The following ENOX1 variants were observed in gnomAD, a reference collection of about 807,000 sequenced individuals.
ENOX1 encodes candidate growth-related and time keeping constitutive hydroquinone (NADH) oxidase.
A neutral mutation model predicts 82.5 loss-of-function variants in ENOX1; 42 were observed. The observed-to-expected ratio is 0.51, with a 90% confidence interval of 0.40 to 0.66. The LOEUF (loss-of-function observed/expected upper bound fraction) is 0.66, where lower values mean the gene tolerates loss of function less well. ENOX1 is among the 30% of genes least tolerant of loss of function. The pLI, the probability that ENOX1 is intolerant of heterozygous loss-of-function variation, is 0.00. For synonymous variants in ENOX1, 271 were observed against 282.2 expected (o/e 0.96, Z 0.40); for missense variants, 608 against 811.6 (o/e 0.75, Z 3.05).
intron 5 of ENOX1, among the ~76,000 whole-genome samples, chr13:43,399,571 C>T (rs1261477658): frequency 6.6e-6 from 1 of 152,214 alleles, no homozygotes; most frequent in Non-Finnish European, 1.5e-5. Context: ...CAAACTAACA[C>T]ATTTGATCCC....
chr13:43,248,107 G>C (rs1015607294), intron 14 of ENOX1, among the ~76,000 whole-genome samples: 1 of 150,434 alleles, frequency 6.6e-6, no homozygotes, highest in African/African-American at 2.4e-5. Context: ...GGATGGTCTC[G>C]ATCTCCTGAC....
chr13:43,662,456 GCTTT>G (rs2084781935), intron 2 of ENOX1, among the ~76,000 whole-genome samples: 1 of 152,136 alleles, frequency 6.6e-6, no homozygotes, highest in African/African-American at 2.4e-5. Flanking sequence ...ATGCTGAATG[GCTTT>G]CTAAGTATCT....
intron 1 of ENOX1, among the ~76,000 whole-genome samples, chr13:43,756,972 CAAAAAAA>C (rs1164153402): frequency 5.3e-4 from 15 of 28,066 alleles, no homozygotes; most frequent in African/African-American, 1.0e-3. Flanking sequence ...AAAACAACAA[CAAAAAAA>C]AAAAAAAAAA....
chr13:43,372,179 TC>T (rs1280656712), intron 5 of ENOX1, among the ~76,000 whole-genome samples: 1 of 152,252 alleles, frequency 6.6e-6, no homozygotes, highest in Non-Finnish European at 1.5e-5. Context: ...CATGTGGTAT[TC>T]TTTCTATTTG....
At chr13:43,499,907 A>T (rs1444573973) in intron 2 of ENOX1, among the ~76,000 whole-genome samples, 1 of 152,094 alleles carries the variant, frequency 6.6e-6, no homozygotes, top group East Asian at 1.9e-4. Context: ...AAAAGAACCA[A>T]ATAGAAATTC....
At chr13:43,707,743 A>C (rs1426963619) in intron 1 of ENOX1, among the ~76,000 whole-genome samples, 3 of 149,046 alleles carry the variant, frequency 2.0e-5, no homozygotes, top group Non-Finnish European at 4.5e-5. Flanking sequence ...AAAAAAAAAA[A>C]AAAAAAAAAA....
chr13:43,582,917 AT>A (rs1297269189), intron 2 of ENOX1, among the ~76,000 whole-genome samples: 1 of 152,130 alleles, frequency 6.6e-6, no homozygotes, highest in African/African-American at 2.4e-5. Context: ...AGAGAGAGAA[AT>A]ATTACACTAA....
intron 5 of ENOX1, among the ~76,000 whole-genome samples, chr13:43,378,791 A>T (rs535943461): frequency 1.3e-5 from 2 of 152,336 alleles, no homozygotes; most frequent in Admixed American, 1.3e-4. Context: ...CCAATTAAAA[A>T]TTACCAGGTA....
intron 5 of ENOX1, among the ~76,000 whole-genome samples, chr13:43,400,644 T>C (rs1029433221): frequency 3.9e-5 from 6 of 152,154 alleles, no homozygotes; most frequent in Non-Finnish European, 5.9e-5. Context: ...TAGTACAATA[T>C]CTAGATCACA....
chr13:43,423,182 C>T (rs1302642884), intron 3 of ENOX1, among the ~76,000 whole-genome samples: 3 of 152,132 alleles, frequency 2.0e-5, no homozygotes, highest in South Asian at 2.1e-4. Context: ...TTATGAAATA[C>T]GTAATGGCTC....
intron 2 of ENOX1, among the ~76,000 whole-genome samples, chr13:43,485,631 T>C (rs891060900): frequency 6.6e-6 from 1 of 152,164 alleles, no homozygotes; most frequent in Non-Finnish European, 1.5e-5. Flanking sequence ...TAGTTTATCT[T>C]TGCATGACAG....
chr13:43,518,678 A>T (rs1173146376), intron 2 of ENOX1, among the ~76,000 whole-genome samples: 1 of 150,562 alleles, frequency 6.6e-6, no homozygotes, highest in African/African-American at 2.5e-5. Flanking sequence ...TAACCATTGT[A>T]AAAAAAAATA....
In ENOX1 at chr13:43,766,262, T is replaced by C. The variant is rs76937057; in HGVS notation, c.-285+20390A>G. ...CCCTTTGAAGAAAGGGACTGAGGGATCCTGAAGGTGCACAGGAGCAGTGAT... is the reference window on the plus strand; with the variant it reads ...CCCTTTGAAGAAAGGGACTGAGGGACCCTGAAGGTGCACAGGAGCAGTGAT... On this transcript the variant is annotated intron_variant, in intron 1 of 16. Transcript: ENST00000690772. 1.1e-3 allele frequency among the ~76,000 whole-genome samples: 162 copies of C among 152,304 alleles called. 1 individual carries two copies. In the East Asian group the frequency reaches 0.027, roughly 26 times the overall value.
intron 5 of ENOX1, among the ~76,000 whole-genome samples, chr13:43,390,679 C>T (rs1189907441): frequency 6.6e-6 from 1 of 152,168 alleles, no homozygotes; most frequent in Non-Finnish European, 1.5e-5. Flanking sequence ...CAAAAGTGTA[C>T]TGTCATATCC....
chr13:43,624,382 T>G (rs2082877246), intron 2 of ENOX1, among the ~76,000 whole-genome samples: 1 of 152,190 alleles, frequency 6.6e-6, no homozygotes, highest in African/African-American at 2.4e-5. Flanking sequence ...TATATTTTCA[T>G]CTACTCACCA....
In ENOX1 at chr13:43,424,860, G is replaced by A. The variant is rs76275702; in HGVS notation, c.-74-11872C>T. On this transcript the variant is annotated intron_variant, in intron 3 of 16. Coordinates refer to ENST00000690772, the MANE Select transcript of ENOX1 (RefSeq NM_001347969.2). ...GGAGTAACCCAGAAGGCATGATGGG[G>A]TAGTTAGGGGAGGGCTATGGGGGCA... Among the ~76,000 whole-genome samples the A allele has an allele frequency of 4.3e-3, 656 of 152,256 alleles. 3 individuals are homozygous for A. The highest frequency in any genetic ancestry group is 0.015 in the African/African-American group (616 of 41,552).
chr13:43,515,494 T>C (rs1285480381), intron 2 of ENOX1, among the ~76,000 whole-genome samples: 5 of 152,208 alleles, frequency 3.3e-5, no homozygotes, highest in South Asian at 2.1e-4. Flanking sequence ...CAAATACTTA[T>C]ATAATATTTT....
intron 1 of ENOX1, among the ~76,000 whole-genome samples, chr13:43,762,387 G>C (rs944317095): frequency 1.3e-5 from 2 of 152,106 alleles, no homozygotes; most frequent in African/African-American, 4.8e-5. Flanking sequence ...CAGATAATTA[G>C]GGGTAGATAA....
At chr13:43,561,841 G>A (rs369117410) in intron 2 of ENOX1, among the ~76,000 whole-genome samples, 39 of 152,172 alleles carry the variant, frequency 2.6e-4, no homozygotes, top group African/African-American at 8.9e-4. Context: ...TTAGCCAGGC[G>A]TGATGGTGTA....
Sources: gnomAD v4.1 joint callset for allele counts (sites outside exome capture counted in the v4.1 genomes callset) on GRCh38, gnomAD v4.1.1 for gene constraint, MANE v1.5 for transcripts, NCBI Gene and HGNC (gene_info 2026-07-23, HGNC 2026-07-21) for gene names.